TMEM117: variants seen among roughly 807,000 people sequenced by gnomAD.
TMEM117 encodes the protein transmembrane protein 117.
A neutral mutation model predicts 52.4 loss-of-function variants in TMEM117; 27 were observed. The ratio of observed to expected loss-of-function variants is 0.51; its 90% CI spans 0.38 to 0.71. The LOEUF (loss-of-function observed/expected upper bound fraction) is 0.71, where lower values mean the gene tolerates loss of function less well. Ranked by LOEUF, TMEM117 falls within the 30% of genes least tolerant of loss-of-function variation. TMEM117 has a pLI of 0.00. For synonymous variants in TMEM117, 215 were observed against 206.3 expected, an observed-to-expected ratio of 1.04 and a Z score of -0.36; for missense variants, 556 against 630.5, an observed-to-expected ratio of 0.88 and a Z score of 1.26.
At chr12:44,010,701 C>T (rs1457459552) in intron 3 of TMEM117, among the ~76,000 whole-genome samples, 2 of 152,132 alleles carry the variant, frequency 1.3e-5, no homozygotes, top group African/African-American at 4.8e-5. Flanking sequence ...TTACAATATA[C>T]ATTTATAAGT....
At chr12:44,085,162 AAC>A (rs1406733629) in intron 3 of TMEM117, among the ~76,000 whole-genome samples, 4 of 152,176 alleles carry the variant, frequency 2.6e-5, no homozygotes, top group Non-Finnish European at 5.9e-5. Flanking sequence ...TGAATGTACA[AAC>A]ATTTCTCATT....
intron 2 of TMEM117, among the ~76,000 whole-genome samples, chr12:43,866,625 A>G (rs913215453): frequency 3.3e-5 from 5 of 149,914 alleles, no homozygotes; most frequent in Non-Finnish European, 5.9e-5. Flanking sequence ...TCAACAAGAC[A>G]GTTATCTATA....
downstream of TMEM117, among the ~76,000 whole-genome samples, chr12:44,392,430 T>G (rs772870990): frequency 2.0e-4 from 31 of 152,158 alleles, no homozygotes; most frequent in Non-Finnish European, 5.9e-5. Flanking sequence ...ATGTGTTGTG[T>G]AGAGGACTCA....
intron 3 of TMEM117, among the ~76,000 whole-genome samples, chr12:43,977,550 CTA>C (rs1335401617): frequency 6.6e-6 from 1 of 152,096 alleles, no homozygotes; most frequent in Non-Finnish European, 1.5e-5. Flanking sequence ...AAGTGCTTTT[CTA>C]TAGCTAATTG....
chr12:44,078,862 AC>A (rs976766481), intron 3 of TMEM117, among the ~76,000 whole-genome samples: 66 of 56,526 alleles, frequency 1.2e-3, no homozygotes, highest in South Asian at 5.6e-3. Context: ...CTCCCCTAGC[AC>A]CCCCCCACCC....
chr12:43,935,473 C>T (rs980869712), intron 2 of TMEM117, among the ~76,000 whole-genome samples: 1 of 151,992 alleles, frequency 6.6e-6, no homozygotes, highest in Admixed American at 6.5e-5. Context: ...TTAAGTTGGC[C>T]TTTAAAGAAT....
At chr12:43,978,305 G>A (rs1945705501) in intron 3 of TMEM117, among the ~76,000 whole-genome samples, 1 of 152,182 alleles carries the variant, frequency 6.6e-6, no homozygotes, top group Admixed American at 6.6e-5. Context: ...TGAAGAAAAA[G>A]TGCACACAGG....
chr12:44,150,932 G>A (rs1209899912), intron 4 of TMEM117, among the ~76,000 whole-genome samples: 1 of 152,098 alleles, frequency 6.6e-6, no homozygotes, highest in Admixed American at 6.6e-5. Context: ...GGCTTTCACT[G>A]TAAGTCTCCT....
chr12:43,801,204 TA>T, the TMEM117 span, among the ~76,000 whole-genome samples: 2 of 152,166 alleles, frequency 1.3e-5, no homozygotes, highest in Non-Finnish European at 2.9e-5. Context: ...GATTACGAAT[TA>T]AGTTGTTAAG....
intron 2 of TMEM117, among the ~76,000 whole-genome samples, chr12:43,857,312 A>AC (rs1943417502): frequency 1.6e-5 from 1 of 63,346 alleles, no homozygotes; most frequent in African/African-American, 3.3e-5. Flanking sequence ...CTTTCTAGGT[A>AC]CTTTTTTTTT....
intron 3 of TMEM117, among the ~76,000 whole-genome samples, chr12:44,062,226 C>T (rs1479955593): frequency 6.6e-6 from 1 of 152,064 alleles, no homozygotes; most frequent in Non-Finnish European, 1.5e-5. Flanking sequence ...TAAATTTTTC[C>T]AGGAATATTG....
intron 3 of TMEM117, among the ~76,000 whole-genome samples, chr12:44,026,938 A>G (rs925308087): frequency 1.6e-4 from 25 of 151,776 alleles, no homozygotes; most frequent in African/African-American, 6.0e-4. Context: ...CTATATTATT[A>G]TGTAGATTTT....
At chr12:44,087,665 A>T (rs1947594607) in intron 3 of TMEM117, among the ~76,000 whole-genome samples, 1 of 151,950 alleles carries the variant, frequency 6.6e-6, no homozygotes, top group Non-Finnish European at 1.5e-5. Context: ...GGGTGTTGCT[A>T]TGTTGCCCAG....
intron 6 of TMEM117, among the ~76,000 whole-genome samples, chr12:44,374,793 G>A (rs933086603): frequency 2.6e-5 from 4 of 152,148 alleles, no homozygotes; most frequent in South Asian, 2.1e-4. Flanking sequence ...CAAAAGTGTC[G>A]TTCTAAAAAG....
At chr12:44,230,676 C>T (rs1487410856) in intron 5 of TMEM117, among the ~76,000 whole-genome samples, 1 of 151,972 alleles carries the variant, frequency 6.6e-6, no homozygotes, top group Non-Finnish European at 1.5e-5. Context: ...TTACAATCAT[C>T]AATTGGCTCC....
At chr12:43,846,546 C>T (rs80099331) in intron 2 of TMEM117, among the ~76,000 whole-genome samples, 5,718 of 152,214 alleles carry the variant, frequency 0.038, 269 homozygotes, top group African/African-American at 0.1. Flanking sequence ...AGATGTTCAT[C>T]GCTTATTACA....
intron 1 of TMEM117, among the ~76,000 whole-genome samples, chr12:43,837,490 G>A (rs774469104): frequency 2.6e-5 from 4 of 152,072 alleles, no homozygotes; most frequent in Admixed American, 6.6e-5. Context: ...GGGATTACAG[G>A]CGCGCGCCAC....
chr12:44,132,836 A>G (rs746127104), intron 3 of TMEM117, among the ~76,000 whole-genome samples: 4 of 152,214 alleles, frequency 2.6e-5, no homozygotes, highest in Non-Finnish European at 5.9e-5. Context: ...AAGGCCTAAA[A>G]AATAACATCT....
At chr12:44,152,598 T>C (rs1948762212) in intron 4 of TMEM117, among the ~76,000 whole-genome samples, 1 of 118,324 alleles carries the variant, frequency 8.5e-6, no homozygotes. Context: ...ATTTATATCA[T>C]ATATAAATTT....
Sources: gnomAD v4.1 joint callset for allele counts (sites outside exome capture counted in the v4.1 genomes callset) on GRCh38, gnomAD v4.1.1 for gene constraint, MANE v1.5 for transcripts, NCBI Gene and HGNC (gene_info 2026-07-23, HGNC 2026-07-21) for gene names.